The following SPPL3 variants were observed in gnomAD, a reference collection of about 807,000 sequenced individuals.
SPPL3 encodes signal peptide peptidase-like 3.
A neutral mutation model predicts 42.4 loss-of-function variants in SPPL3; 5 were observed. The observed-to-expected ratio is 0.12, with a 90% confidence interval of 0.06 to 0.25. The LOEUF (loss-of-function observed/expected upper bound fraction) is 0.25. Ranked by LOEUF, SPPL3 falls within the 10% of genes least tolerant of loss-of-function variation. SPPL3 has a pLI of 1.00. For synonymous variants in SPPL3, 195 were observed against 181.8 expected (o/e 1.07, Z -0.58); for missense variants, 235 against 489.0 (o/e 0.48, Z 4.90).
At chr12:120,792,862 G>A (rs982899945) in intron 2 of SPPL3, among the ~76,000 whole-genome samples, 1 of 152,106 alleles carries the variant, frequency 6.6e-6, no homozygotes, top group African/African-American at 2.4e-5. Flanking sequence ...ACAGCTTTTA[G>A]ATAAAAACAC....
At chr12:120,798,406 T>G (rs1191008351) in intron 2 of SPPL3, among the ~76,000 whole-genome samples, 1 of 152,206 alleles carries the variant, frequency 6.6e-6, no homozygotes, top group Non-Finnish European at 1.5e-5. Flanking sequence ...TTTTTCCTAA[T>G]TAGTTCCACA....
rs1312024113 is a variant in SPPL3, at chr12:120,764,311, T to C, written c.*688A>G. On this transcript the variant is annotated 3_prime_UTR_variant, in exon 11 of 11. Coordinates refer to ENST00000353487, the MANE Select transcript of SPPL3 (RefSeq NM_139015.5). ...TTTTGTTTATTCATATATATCTATGTGTGTGTTTATATATATATATGTACG... is the reference window on the plus strand; with the variant it reads ...TTTTGTTTATTCATATATATCTATGCGTGTGTTTATATATATATATGTACG... 6.9e-6 allele frequency: 1 copy of C among 145,670 alleles called. No homozygotes were observed. Among genetic ancestry groups the C allele is most frequent in the East Asian group, 2.3e-4 (1 of 4,376 alleles). The allele number at this position is 145,670 out of a possible 1,614,324, so 9.0% of individuals were successfully genotyped here.
chr12:120,859,257 C>G (rs1872555998), intron 1 of SPPL3, among the ~76,000 whole-genome samples: 1 of 152,096 alleles, frequency 6.6e-6, no homozygotes, highest in African/African-American at 2.4e-5. Flanking sequence ...ATCCAAAATG[C>G]TACAATGAGC....
At chr12:120,827,316 T>C (rs1221324217) in intron 1 of SPPL3, among the ~76,000 whole-genome samples, 3 of 107,714 alleles carry the variant, frequency 2.8e-5, no homozygotes, top group African/African-American at 1.1e-4. Context: ...ACTGCTGCTA[T>C]AATAACAGGA....
chr12:120,765,960 G>C (rs978263107), intron 10 of SPPL3, among the ~76,000 whole-genome samples: 4 of 152,206 alleles, frequency 2.6e-5, no homozygotes, highest in African/African-American at 9.7e-5. Context: ...ACAGAAGCAG[G>C]AAGTACCCTC....
At position 120,889,407 on chromosome 12, in the gene SPPL3, G is replaced by T. The variant is rs188424511; in HGVS notation, c.23+14438C>A. Among the ~76,000 whole-genome samples the T allele has an allele frequency of 4.6e-5, 7 of 152,264 alleles. No individual in the cohort carries two copies. The East Asian group carries it at 1.2e-3, about 25-fold the overall frequency. On this transcript the variant is annotated intron_variant, in intron 1 of 10. Coordinates refer to ENST00000353487, the MANE Select transcript of SPPL3 (RefSeq NM_139015.5). Reference sequence around the variant, plus strand: ...TTATTTTTGTGGCTCCTTGACTTTGGCTTCAACCATATGACTTGCTTTGGC... The same window carrying T: ...TTATTTTTGTGGCTCCTTGACTTTGTCTTCAACCATATGACTTGCTTTGGC...
At chr12:120,842,817 G>A (rs1028867247) in intron 1 of SPPL3, among the ~76,000 whole-genome samples, 2 of 152,094 alleles carry the variant, frequency 1.3e-5, no homozygotes, top group Non-Finnish European at 2.9e-5. Context: ...TGGGTGGGTG[G>A]AGGGAGGGGA....
chr12:120,859,677 C>CG (rs1465837213), intron 1 of SPPL3, among the ~76,000 whole-genome samples: 1 of 152,068 alleles, frequency 6.6e-6, no homozygotes, highest in Non-Finnish European at 1.5e-5. Flanking sequence ...TAGCTGGGGC[C>CG]GGGTGCAGTG....
chr12:120,879,286 C>T (rs1008428672), intron 1 of SPPL3, among the ~76,000 whole-genome samples: 2 of 152,120 alleles, frequency 1.3e-5, no homozygotes, highest in South Asian at 2.1e-4. Flanking sequence ...TATAAACTGA[C>T]ATTCCTCATC....
At chr12:120,801,370 G>C (rs546442770) in intron 2 of SPPL3, among the ~76,000 whole-genome samples, 1 of 151,358 alleles carries the variant, frequency 6.6e-6, no homozygotes, top group Non-Finnish European at 1.5e-5. Context: ...CACACTCCAA[G>C]CCCTCATTCT....
chr12:120,784,332 G>A (rs1177514162), intron 4 of SPPL3, 142 bp downstream of exon 4: 22 of 786,078 alleles, frequency 2.8e-5, no homozygotes, highest in Non-Finnish European at 4.3e-5. Context: ...GGGTGGCGTG[G>A]TTGAGACGGA....
At chr12:120,903,577 TC>T (rs894371271) in intron 1 of SPPL3, 19 of 441,548 alleles carry the variant, frequency 4.3e-5, no homozygotes, top group Non-Finnish European at 7.3e-5. Context: ...GCTCCCCTTC[TC>T]CATCACCTGC....
intron 1 of SPPL3, among the ~76,000 whole-genome samples, chr12:120,866,581 A>G (rs1456818803): frequency 6.6e-6 from 1 of 152,246 alleles, no homozygotes; most frequent in East Asian, 1.9e-4. Context: ...CAAAAAAAGG[A>G]AAGAATTTAA....
At chr12:120,812,979 G>A (rs189145058) in intron 1 of SPPL3, among the ~76,000 whole-genome samples, 1 of 152,318 alleles carries the variant, frequency 6.6e-6, no homozygotes, top group African/African-American at 2.4e-5. Flanking sequence ...CAACTGGAGT[G>A]ACCACTGGGT....
chr12:120,850,076 T>C (rs1278594937), intron 1 of SPPL3, among the ~76,000 whole-genome samples: 1 of 152,004 alleles, frequency 6.6e-6, no homozygotes, highest in Non-Finnish European at 1.5e-5. Flanking sequence ...GGAGTGCAAA[T>C]ATAAAACACA....
In SPPL3 at chr12:120,830,562, G is replaced by A. The variant is rs1427839628; in HGVS notation, c.24-19676C>T. On this transcript the variant is annotated intron_variant, in intron 1 of 10. Coordinates refer to ENST00000353487, the MANE Select transcript of SPPL3 (RefSeq NM_139015.5). ...GAGGGGAGGGGAGGGGAGGGGGAGG[G>A]GTGGGGGAGGGGGGGAAGGAGAGAG... Among the ~76,000 whole-genome samples, 86 of 20,220 alleles carry A rather than the reference G, an allele frequency of 4.3e-3. 8 individuals carry two copies. Among genetic ancestry groups the A allele is most frequent in the South Asian group, 0.013 (4 of 300 alleles). 13.3% of individuals were successfully genotyped at this position (20,220 alleles called of 152,430 possible). A position where few individuals can be genotyped will look rare whatever the true frequency, so the allele number is the denominator to read the frequency against.
chr12:120,777,790 G>C (rs1869377992), intron 6 of SPPL3, among the ~76,000 whole-genome samples: 1 of 152,198 alleles, frequency 6.6e-6, no homozygotes. Flanking sequence ...CTCTAGTACT[G>C]AAGCAAACAA....
At chr12:120,765,806 C>A (rs1249557367) in intron 10 of SPPL3, among the ~76,000 whole-genome samples, 1 of 152,146 alleles carries the variant, frequency 6.6e-6, no homozygotes, top group South Asian at 2.1e-4. Flanking sequence ...ATCTGTAAAA[C>A]GGGGCTGAGA....
intron 1 of SPPL3, among the ~76,000 whole-genome samples, chr12:120,879,714 C>T (rs951282986): frequency 6.6e-6 from 1 of 152,004 alleles, no homozygotes; most frequent in African/African-American, 2.4e-5. Context: ...GCTACATGTG[C>T]CACTCATTAA....
Sources: gnomAD v4.1 joint callset for allele counts (sites outside exome capture counted in the v4.1 genomes callset) on GRCh38, gnomAD v4.1.1 for gene constraint, MANE v1.5 for transcripts, NCBI Gene and HGNC (gene_info 2026-07-23, HGNC 2026-07-21) for gene names.